Variants in ZNF516 observed in about 807,000 individuals in gnomAD.
The protein encoded by ZNF516 is zinc finger protein 516.
ZNF516 carries 19 observed loss-of-function variants against 79.7 expected under a neutral mutation model. The observed-to-expected ratio is 0.24, with a 90% CI of 0.17 to 0.35. The LOEUF (loss-of-function observed/expected upper bound fraction) is 0.35, where lower values mean the gene tolerates loss of function less well. Ranked by LOEUF, ZNF516 falls within the 10% of genes least tolerant of loss-of-function variation. The probability of loss-of-function intolerance (pLI) is 1.00; values close to 1 mark genes in which losing one functional copy is unlikely to be tolerated. For synonymous variants in ZNF516, 877 were observed against 739.5 expected, an observed-to-expected ratio of 1.19 and a Z score of -3.02; for missense variants, 1,678 against 1,679.5, an observed-to-expected ratio of 1.00 and a Z score of 0.02.
In ZNF516 at chr18:76,446,433, C is replaced by A. The variant is rs1424849612; in HGVS notation, c.-157-3222G>T. Among the ~76,000 whole-genome samples, 3 of 152,238 alleles carry A rather than the reference C, an allele frequency of 2.0e-5. No individual in the cohort carries two copies. In the East Asian group the frequency reaches 5.8e-4, roughly 29 times the overall value. Reference sequence around the variant, plus strand: ...CATCTAGCCCAGCTCAGCAGCACAGCCTCGGCATCCTGGGCCATGACCACG... The same window carrying A: ...CATCTAGCCCAGCTCAGCAGCACAGACTCGGCATCCTGGGCCATGACCACG... On this transcript the variant is annotated intron_variant, in intron 2 of 6. Coordinates refer to ENST00000443185, the MANE Select transcript of ZNF516 (RefSeq NM_014643.4).
At position 76,442,962 on chromosome 18, in the gene ZNF516, A is replaced by G. The variant is rs766228831; in HGVS notation, c.93T>C (p.Ala31=). 1 of 1,607,926 alleles carries G rather than the reference A, an allele frequency of 6.2e-7. No individual in the cohort carries two copies. The highest frequency in any genetic ancestry group is 8.5e-7 in the Non-Finnish European group (1 of 1,179,708). Residue 31 remains alanine, a synonymous_variant, in exon 3 of 7, where the codon GCT becomes GCC. Transcript: ENST00000443185. The part of the protein sequence containing the change: ...GRGHEVDGDK[A]TCHTCCICGK... ...CGCAGATGCAGCAGGTGTGGCAGGT[A>G]GCCTTGTCCCCATCCACCTCGTGGC...
chr18:76,491,599 C>A (rs1915225935), intron 1 of ZNF516: 2 of 251,102 alleles, frequency 8.0e-6, no homozygotes, highest in South Asian at 1.5e-4. Context: ...AGGCCCTCCC[C>A]GTGCTTCTCC....
chr18:76,491,100 T>C (rs951458626), intron 1 of ZNF516: 13 of 984,522 alleles, frequency 1.3e-5, no homozygotes, highest in Middle Eastern at 5.2e-4. Context: ...GGGCCACGCC[T>C]TTCCCACCGC....
At position 76,467,781 on chromosome 18, in the gene ZNF516, G is replaced by A. The variant is rs777408445; in HGVS notation, c.-271-4640C>T. Among the ~76,000 whole-genome samples, 10 of 152,320 alleles carry A rather than the reference G, an allele frequency of 6.6e-5. No homozygotes were observed. Among genetic ancestry groups the A allele is most frequent in the African/African-American group, 1.2e-4 (5 of 41,568 alleles). ...GCATGTTCAAACTGTAAGCCCGTTC[G>A]ATTCCTGAGTTATTTTTACCAAATA... is the stretch of plus-strand genomic sequence containing the variant. On this transcript the variant is annotated intron_variant, in intron 1 of 6. Transcript: ENST00000443185. The surrounding 1 kb of genome is among the most constrained non-coding windows in gnomAD (Gnocchi z 4.2).
intron 1 of ZNF516, chr18:76,491,103 C>T (rs1754609869): frequency 2.0e-6 from 2 of 983,470 alleles, no homozygotes; most frequent in African/African-American, 1.7e-5. Flanking sequence ...CCACGCCTTT[C>T]CCACCGCCCC....
chr18:76,456,253 G>A (rs943001290), intron 2 of ZNF516, among the ~76,000 whole-genome samples: 3 of 152,188 alleles, frequency 2.0e-5, no homozygotes, highest in African/African-American at 7.2e-5. Context: ...CTAACTCTGG[G>A]GCGATGAGCA....
intron 3 of ZNF516, among the ~76,000 whole-genome samples, chr18:76,416,009 T>G (rs1382988805): frequency 1.3e-5 from 2 of 152,198 alleles, no homozygotes; most frequent in East Asian, 3.8e-4. Flanking sequence ...GTTCATTAAT[T>G]TATACTAACA....
chr18:76,370,433 C>T, intron 6 of ZNF516, 95 bp downstream of exon 6: 3 of 1,254,382 alleles, frequency 2.4e-6, no homozygotes, highest in Non-Finnish European at 3.3e-6. Context: ...GTGAAAAAAA[C>T]AAAAAGAAGG....
intron 3 of ZNF516, among the ~76,000 whole-genome samples, chr18:76,389,719 A>G (rs1018127219): frequency 6.6e-6 from 1 of 152,216 alleles, no homozygotes; most frequent in African/African-American, 2.4e-5. Context: ...GTAGAAACAC[A>G]CTTCTTGAAA....
intron 3 of ZNF516, chr18:76,388,151 C>T (rs924425678): frequency 6.6e-6 from 1 of 152,330 alleles, no homozygotes; most frequent in African/African-American, 2.4e-5. Context: ...CCCCTGAGAA[C>T]CACCTCCACC....
rs144552404 is a variant in ZNF516 at position 76,418,995 on chromosome 18, G to C, written c.1810+22250C>G. Among the ~76,000 whole-genome samples, 81 of 152,336 alleles carry C rather than the reference G, an allele frequency of 5.3e-4. No individual in the cohort carries two copies. In the East Asian group the frequency reaches 0.014, roughly 27 times the overall value. ...GAGACACAGAGCAAGCTGGTGCCCAGCTGGGGCTGGACCCTGACAGGATAG... is the reference window on the plus strand; with the variant it reads ...GAGACACAGAGCAAGCTGGTGCCCACCTGGGGCTGGACCCTGACAGGATAG... On this transcript the variant is annotated intron_variant, in intron 3 of 6. Transcript: ENST00000443185.
intron 3 of ZNF516, among the ~76,000 whole-genome samples, chr18:76,415,298 CGT>C (rs2075419300): frequency 6.6e-6 from 1 of 152,186 alleles, no homozygotes; most frequent in African/African-American, 2.4e-5. Flanking sequence ...ACTGATAAGG[CGT>C]GAGTGTTCCC....
intron 1 of ZNF516, among the ~76,000 whole-genome samples, chr18:76,482,755 A>C (rs1439485014): frequency 1.3e-5 from 2 of 152,234 alleles, no homozygotes; most frequent in African/African-American, 4.8e-5. Context: ...AATAGGCAGA[A>C]ACAAGCAAAC....
intron 1 of ZNF516, among the ~76,000 whole-genome samples, chr18:76,465,172 C>G (rs1568315981): frequency 6.6e-6 from 1 of 152,244 alleles, no homozygotes; most frequent in Non-Finnish European, 1.5e-5. Flanking sequence ...GTTTTTTAAA[C>G]TAAGCACAAG....
At chr18:76,390,550 G>C (rs1025788203) in intron 3 of ZNF516, among the ~76,000 whole-genome samples, 8 of 152,328 alleles carry the variant, frequency 5.3e-5, no homozygotes, top group Non-Finnish European at 1.0e-4. Context: ...GGGGATTCCA[G>C]GGAAGCACCA....
rs1258496895 is a variant in ZNF516, at chr18:76,394,764, TG to T, written c.1811-14462del. Among the ~76,000 whole-genome samples the T allele has an allele frequency of 5.6e-3, 27 of 4,844 alleles. 9 individuals are homozygous for T. Among genetic ancestry groups the T allele is most frequent in the Admixed American group, 0.023 (6 of 266 alleles). The allele number at this position is 4,844 out of a possible 152,430, so 3.2% of individuals were successfully genotyped here. ...GGTGGGGGGAGGGCAGGTGGTCAGG[TG>T]GGGGGAAGGCAGGTGGTCAGGTGGG... On this transcript the variant is annotated intron_variant, in intron 3 of 6. Transcript: ENST00000443185.
chr18:76,483,244 C>G (rs1175935082), intron 1 of ZNF516, among the ~76,000 whole-genome samples: 1 of 152,080 alleles, frequency 6.6e-6, no homozygotes, highest in Non-Finnish European at 1.5e-5. Flanking sequence ...AGACAGCAAC[C>G]CGGGGCAGAC....
Position 76,451,324 on chromosome 18 carries a change from G to A in ZNF516, c.-157-8113C>T, listed in dbSNP as rs919267662. Among the ~76,000 whole-genome samples, 2 of 152,130 alleles carry A rather than the reference G, an allele frequency of 1.3e-5. No homozygotes were observed. Among genetic ancestry groups the A allele is most frequent in the East Asian group, 3.8e-4 (2 of 5,200 alleles). On this transcript the variant is annotated intron_variant, in intron 2 of 6. Transcript: ENST00000443185. This position sits in a 1 kb window ranked among gnomAD's most constrained non-coding sequence, Gnocchi z 6.0. The stretch of plus-strand genomic sequence containing the variant: ...ACCTTCCGGGGGCGGGGGGGGCACC[G>A]ATGTCAGCCCGGGATGGATGTCCGC...
At chr18:76,419,085 G>A (rs1258643130) in intron 3 of ZNF516, among the ~76,000 whole-genome samples, 1 of 152,216 alleles carries the variant, frequency 6.6e-6, no homozygotes, top group Admixed American at 6.5e-5. Context: ...GACACTGTGG[G>A]TCGCAGCCAC....
Sources: gnomAD v4.1 joint callset for allele counts (sites outside exome capture counted in the v4.1 genomes callset) on GRCh38, gnomAD v4.1.1 for gene constraint, Gnocchi (gnomAD v3.1) non-coding constraint, MANE v1.5 for transcripts, NCBI Gene and HGNC (gene_info 2026-07-23, HGNC 2026-07-21) for gene names.